The following SLCO1B1 variants were observed in gnomAD, a reference collection of about 807,000 sequenced individuals.
SLCO1B1 encodes solute carrier organic anion transporter family member 1B1.
SLCO1B1 carries 81 observed loss-of-function variants against 70.1 expected under a neutral mutation model. That is an observed-to-expected ratio of 1.16 (90% confidence interval 0.97 to 1.39). SLCO1B1 has a LOEUF of 1.39. Among genes scored for constraint, SLCO1B1 ranks in the 40% most tolerant of loss-of-function variants. The probability of loss-of-function intolerance (pLI) is 0.00; values close to 1 mark genes in which losing one functional copy is unlikely to be tolerated. For missense variants in SLCO1B1, 895 were observed against 799.6 expected (o/e 1.12, Z -1.44); for synonymous variants, 283 against 271.5 (o/e 1.04, Z -0.42).
chr12:21,173,099 C>T (rs1037843568), intron 3 of SLCO1B1, among the ~76,000 whole-genome samples: 7 of 152,152 alleles, frequency 4.6e-5, no homozygotes, highest in Admixed American at 1.3e-4. Flanking sequence ...TGCAAACTAA[C>T]GCCATGTCAT....
intron 14 of SLCO1B1, among the ~76,000 whole-genome samples, chr12:21,227,789 G>A (rs948052120): frequency 1.3e-5 from 2 of 150,086 alleles, no homozygotes; most frequent in East Asian, 1.9e-4. Flanking sequence ...AATGGTTTGA[G>A]TATAAAAAGA....
chr12:21,179,237 GT>G (rs1243963584), intron 7 of SLCO1B1, among the ~76,000 whole-genome samples: 1 of 152,120 alleles, frequency 6.6e-6, no homozygotes, highest in African/African-American at 2.4e-5. Flanking sequence ...ATGAGAGAAT[GT>G]AAACAAATTT....
intron 2 of SLCO1B1, among the ~76,000 whole-genome samples, chr12:21,150,677 A>G (rs903247910): frequency 2.6e-5 from 4 of 152,166 alleles, no homozygotes; most frequent in Admixed American, 6.5e-5. Flanking sequence ...TCCACACAAA[A>G]ACCCCATCTG....
intron 2 of SLCO1B1, among the ~76,000 whole-genome samples, chr12:21,166,515 C>A (rs1940688357): frequency 6.6e-6 from 1 of 152,050 alleles, no homozygotes; most frequent in South Asian, 2.1e-4. Context: ...GATATAGAGA[C>A]AACAAATGAG....
chr12:21,185,118 T>C (rs1794095216), intron 7 of SLCO1B1, among the ~76,000 whole-genome samples: 1 of 152,094 alleles, frequency 6.6e-6, no homozygotes, highest in South Asian at 2.1e-4. Flanking sequence ...CAAAAAAGAT[T>C]CTTAGAGACC....
rs1349493168 is a variant in SLCO1B1 at position 21,206,137 on chromosome 12, AAAAGAG to A, written c.1497+109_1497+114del. 6.1e-6 allele frequency: 6 copies of A among 990,784 alleles called. No individual in the cohort carries two copies. The Admixed American group carries it at 1.2e-4, about 19-fold the overall frequency. 61.4% of individuals were successfully genotyped at this position (990,784 alleles called of 1,614,324 possible). Reference sequence around the variant, plus strand: ...TAACTAAGGACTCCATTAAAAAGATAAAAGAGAAAGTTTCCAGTATTATCTGTTATT... The same window carrying A: ...TAACTAAGGACTCCATTAAAAAGATAAAAGTTTCCAGTATTATCTGTTATT... On this transcript the variant is annotated intron_variant, in intron 11 of 14. Transcript: ENST00000256958.
chr12:21,209,614 G>C (rs1204449655), intron 11 of SLCO1B1, among the ~76,000 whole-genome samples: 1 of 152,042 alleles, frequency 6.6e-6, no homozygotes, highest in African/African-American at 2.4e-5. Flanking sequence ...TCCAGTTCTA[G>C]ATCTCTGAGG....
intron 2 of SLCO1B1, among the ~76,000 whole-genome samples, chr12:21,151,735 T>G (rs2121060116): frequency 6.6e-6 from 1 of 152,256 alleles, no homozygotes; most frequent in South Asian, 2.1e-4. Flanking sequence ...TCAGAGGAAG[T>G]TTTATTTCTC....
chr12:21,136,159 C>T (rs2121027105), intron 1 of SLCO1B1, among the ~76,000 whole-genome samples: 1 of 152,222 alleles, frequency 6.6e-6, no homozygotes, highest in African/African-American at 2.4e-5. Flanking sequence ...AATATTGGTC[C>T]CCACTCTCTT....
chr12:21,135,170 C>T (rs1940199964), intron 1 of SLCO1B1, among the ~76,000 whole-genome samples: 1 of 152,140 alleles, frequency 6.6e-6, no homozygotes, highest in South Asian at 2.1e-4. Context: ...ATCCTGAGTT[C>T]TAGTTTGATT....
At chr12:21,165,303 A>T (rs1940670795) in intron 2 of SLCO1B1, among the ~76,000 whole-genome samples, 1 of 152,132 alleles carries the variant, frequency 6.6e-6, no homozygotes, top group Non-Finnish European at 1.5e-5. Flanking sequence ...TAAATTTAGA[A>T]CATATAGCTG....
intron 9 of SLCO1B1, among the ~76,000 whole-genome samples, chr12:21,201,983 G>A (rs917952931): frequency 1.3e-5 from 2 of 152,146 alleles, no homozygotes; most frequent in Admixed American, 1.3e-4. Context: ...TCATAGACTG[G>A]ATAAAGAAAA....
At chr12:21,213,414 G>A (rs1941313879) in intron 11 of SLCO1B1, among the ~76,000 whole-genome samples, 1 of 151,670 alleles carries the variant, frequency 6.6e-6, no homozygotes, top group Admixed American at 6.6e-5. Context: ...CTGGCTTATA[G>A]GGTTTCTGCC....
chr12:21,233,299 A>G (rs1005631864), intron 14 of SLCO1B1, among the ~76,000 whole-genome samples: 1 of 152,160 alleles, frequency 6.6e-6, no homozygotes, highest in African/African-American at 2.4e-5. Context: ...TAGGTGTCCT[A>G]GACTTCCATC....
In SLCO1B1 at chr12:21,239,263, G is replaced by C. The variant is rs1941624758; in HGVS notation, c.*74G>C. On this transcript the variant is annotated 3_prime_UTR_variant, in exon 15 of 15. Coordinates refer to ENST00000256958, the MANE Select transcript of SLCO1B1 (RefSeq NM_006446.5). ...ATTGATTCAGTAAGATGTTATTTTT[G>C]AGGAGTTCCTGGTCCTTTCACTAAG... The C allele has an allele frequency of 9.5e-7, 1 of 1,057,028 alleles. No homozygotes were observed. The allele number at this position is 1,057,028 out of a possible 1,614,324, so 65.5% of individuals were successfully genotyped here.
intron 1 of SLCO1B1, among the ~76,000 whole-genome samples, chr12:21,132,106 G>A (rs945711484): frequency 3.9e-5 from 6 of 151,990 alleles, no homozygotes; most frequent in South Asian, 2.1e-4. Context: ...TTGTCCTTGC[G>A]ATAGTTTGTT....
chr12:21,139,109 T>C (rs1940271419), intron 1 of SLCO1B1, among the ~76,000 whole-genome samples: 1 of 151,958 alleles, frequency 6.6e-6, no homozygotes, highest in South Asian at 2.1e-4. Flanking sequence ...TATTTGTTAG[T>C]AGAAAGAAAA....
intron 2 of SLCO1B1, among the ~76,000 whole-genome samples, chr12:21,145,652 C>T (rs1463647312): frequency 1.3e-5 from 2 of 151,754 alleles, no homozygotes; most frequent in Non-Finnish European, 2.9e-5. Flanking sequence ...CATTAATTTA[C>T]TTGATCACGA....
chr12:21,193,554 A>G (rs1941055681), intron 7 of SLCO1B1, among the ~76,000 whole-genome samples: 1 of 152,086 alleles, frequency 6.6e-6, no homozygotes, highest in Non-Finnish European at 1.5e-5. Flanking sequence ...TCATTTTATA[A>G]TGTCCTTTTT....
Sources: gnomAD v4.1 joint callset for allele counts (sites outside exome capture counted in the v4.1 genomes callset) on GRCh38, gnomAD v4.1.1 for gene constraint, MANE v1.5 for transcripts, NCBI Gene and HGNC (gene_info 2026-07-23, HGNC 2026-07-21) for gene names.